PCNT: variants seen among roughly 807,000 people sequenced by gnomAD.
The protein encoded by PCNT is pericentrin, also known as kendrin.
Under a neutral mutation model 380.4 loss-of-function variants are expected in PCNT, and 319 were observed. That is an observed-to-expected ratio of 0.84 (90% CI 0.77 to 0.92). PCNT has a LOEUF of 0.92. Ranked by LOEUF, PCNT falls within the 40% of genes least tolerant of loss-of-function variation. The pLI is 0.00. For synonymous variants in PCNT, 1,845 were observed against 1,735.2 expected, an observed-to-expected ratio of 1.06 and a Z score of -1.57; for missense variants, 4,400 against 4,255.3, an observed-to-expected ratio of 1.03 and a Z score of -0.95.
At chr21:46,350,787 C>T (rs796443675) in intron 8 of PCNT, among the ~76,000 whole-genome samples, 10 of 152,148 alleles carry the variant, frequency 6.6e-5, no homozygotes, top group East Asian at 3.9e-4. Context: ...GCTCTCCCTC[C>T]GAGATGGGAA....
At position 46,334,379 on chromosome 21, in the gene PCNT, T is replaced by G. The variant is rs770819119; in HGVS notation, c.268-18T>G. On this transcript the variant is annotated intron_variant, in intron 2 of 46. Transcript: ENST00000359568. ...AGACCTTGCTTTAAATGCTTCTTTC[T>G]GGTCCTCCCCTTCTTAGCCGGAGGA... is the stretch of plus-strand genomic sequence containing the variant. 2 of 1,614,100 alleles carry G rather than the reference T, an allele frequency of 1.2e-6. No individual in the cohort carries two copies. Among genetic ancestry groups the G allele is most frequent in the Non-Finnish European group, 1.7e-6 (2 of 1,179,966 alleles).
chr21:46,404,454 C>T (rs2086564859), intron 27 of PCNT, among the ~76,000 whole-genome samples: 1 of 152,188 alleles, frequency 6.6e-6, no homozygotes, highest in Admixed American at 6.5e-5. Context: ...GAACGAGCAG[C>T]TCTAGGCACC....
intron 17 of PCNT, among the ~76,000 whole-genome samples, chr21:46,386,413 G>C (rs915336623): frequency 2.0e-5 from 3 of 152,232 alleles, no homozygotes; most frequent in African/African-American, 4.8e-5. Context: ...ATCTCTCTCT[G>C]TGACGTGTGT....
intron 29 of PCNT, among the ~76,000 whole-genome samples, chr21:46,413,875 G>T (rs3788265): frequency 0.17 from 26,602 of 152,202 alleles, 2,750 homozygotes; most frequent in East Asian, 0.4. Context: ...GGGTGCTGGT[G>T]CTTCTCCCAC....
Position 46,444,759 on chromosome 21 carries a change from C to G in PCNT, c.9905C>G (p.Ser3302Cys). 3.7e-6 allele frequency: 6 copies of G among 1,612,498 alleles called. No homozygotes were observed. Among genetic ancestry groups the G allele is most frequent in the South Asian group, 2.2e-5 (2 of 91,056 alleles). ...ACTGCTTCTCAAGATCCAGAACATT[C>G]CTTGACAGAGTATATTCACCATTTA... The part of the protein sequence containing the change: ...SLTASQDPEH[S>C]LTEYIHHLEV... Residue 3302 changes from serine (S) to cysteine (C), a missense_variant, in exon 46 of 47, where the codon TCC (serine) becomes TGC (cysteine). Coordinates refer to ENST00000359568, the MANE Select transcript of PCNT (RefSeq NM_006031.6).
At chr21:46,327,900 G>T (rs1162432957) in intron 2 of PCNT, among the ~76,000 whole-genome samples, 1 of 152,204 alleles carries the variant, frequency 6.6e-6, no homozygotes, top group Non-Finnish European at 1.5e-5. Context: ...GGCAGGTGTG[G>T]CAGGTGAGTG....
At chr21:46,405,632 T>C (rs2086599402) in intron 27 of PCNT, among the ~76,000 whole-genome samples, 1 of 151,928 alleles carries the variant, frequency 6.6e-6, no homozygotes, top group Admixed American at 6.6e-5. Flanking sequence ...AAGGTGGAGG[T>C]TGGCAGTGAG....
At chr21:46,385,175 G>A (rs936468873) in intron 16 of PCNT, among the ~76,000 whole-genome samples, 1 of 151,986 alleles carries the variant, frequency 6.6e-6, no homozygotes. Flanking sequence ...GGCAACATAG[G>A]GAGACCCTGT....
chr21:46,412,454 G>A (rs952450884), intron 28 of PCNT, among the ~76,000 whole-genome samples: 6 of 152,156 alleles, frequency 3.9e-5, no homozygotes, highest in African/African-American at 9.7e-5. Context: ...GAGATGTGGC[G>A]AGCGAGCTCT....
Position 46,412,926 on chromosome 21 carries a change from G to C in PCNT, c.6084G>C (p.Arg2028Ser). Residue 2028 changes from arginine (R) to serine (S), a missense_variant, in exon 29 of 47, where the codon AGG (arginine) becomes AGC (serine). Physicochemically the swap from Arg to Ser is moderately radical, Grantham distance 110. Transcript: ENST00000359568. The part of the protein sequence containing the change: ...GVMSVLTVCQ[R>S]QLQSELLLVK... ...TGTCAGTGCTCACCGTCTGCCAGAGGCAGCTGCAGTCGGAGCTGCTCTTGG... is the reference window on the plus strand; with the variant it reads ...TGTCAGTGCTCACCGTCTGCCAGAGCCAGCTGCAGTCGGAGCTGCTCTTGG... 4.3e-6 allele frequency: 7 copies of C among 1,612,526 alleles called. No individual in the cohort carries two copies. Among genetic ancestry groups the C allele is most frequent in the Non-Finnish European group, 5.9e-6 (7 of 1,180,020 alleles).
At position 46,346,936 on chromosome 21, in the gene PCNT, T is replaced by A. The variant is rs752280579; in HGVS notation, c.914T>A (p.Leu305His). 1 of 1,598,808 alleles carries A rather than the reference T, an allele frequency of 6.3e-7. No homozygotes were observed. The highest frequency in any genetic ancestry group is 8.5e-7 in the Non-Finnish European group (1 of 1,174,416). The change falls in exon 5 of 47, where the codon CTC becomes CAC. Residue 305 changes from leucine (L) to histidine (H), a missense_variant. Transcript: ENST00000359568. ...AGCAGGCAGCAGCACGAGCTGGAGC[T>A]CCTCAGGGAGCAGCACGCACGGGAG... The part of the protein sequence containing the change: ...LQSRQQHELE[L>H]LREQHAREKE...
In PCNT at chr21:46,398,052, C is replaced by G; in HGVS notation, c.4485C>G (p.Phe1495Leu). 2 of 1,596,638 alleles carry G rather than the reference C, an allele frequency of 1.3e-6. No homozygotes were observed. The highest frequency in any genetic ancestry group is 8.5e-7 in the Non-Finnish European group (1 of 1,172,730). The change falls in exon 23 of 47, where the codon TTC (phenylalanine) becomes TTG (leucine). Residue 1495 changes from phenylalanine to leucine, a missense_variant. By Grantham distance (22) the Phe-to-Leu change is conservative (BLOSUM62 0). Transcript: ENST00000359568. ...AGCGGGAGCACGAGCGCGAGGAGTT[C>G]CAGCAGGAGATTCAGAGGCTGGAGG... Reference protein sequence around the residue: ...AAEREHEREEFQQEIQRLEGQ... With the variant: ...AAEREHEREELQQEIQRLEGQ...
At chr21:46,420,804 A>G (rs1055281552) in intron 31 of PCNT, 6 of 152,290 alleles carry the variant, frequency 3.9e-5, no homozygotes, top group African/African-American at 1.4e-4. Flanking sequence ...GCCGCAGCTC[A>G]GGCAGATGCA....
Position 46,418,195 on chromosome 21 carries a change from T to A in PCNT, c.6922-9T>A. The A allele has an allele frequency of 6.5e-7, 1 of 1,529,464 alleles. No individual in the cohort carries two copies. The highest frequency in any genetic ancestry group is 2.2e-5 in the East Asian group (1 of 44,584). The allele number at this position is 1,529,464 out of a possible 1,614,324, so 94.7% of individuals were successfully genotyped here. ...ATTATTTTATGACCATTTAAAAATC[T>A]CTTAACAGGAGAAAGATGTCGAAGA... On this transcript the variant is annotated splice_polypyrimidine_tract_variant and intron_variant, in intron 30 of 46. Coordinates refer to ENST00000359568, the MANE Select transcript of PCNT (RefSeq NM_006031.6).
chr21:46,436,501 C>A (rs2053459185), intron 39 of PCNT, among the ~76,000 whole-genome samples: 1 of 141,394 alleles, frequency 7.1e-6, no homozygotes, highest in South Asian at 2.5e-4. Context: ...TGGCACTGCC[C>A]AGTGTCACTC....
intron 14 of PCNT, among the ~76,000 whole-genome samples, chr21:46,366,014 G>A (rs1031150553): frequency 2.7e-5 from 4 of 147,902 alleles, no homozygotes; most frequent in Admixed American, 6.7e-5. Context: ...GTTCACTGCC[G>A]TGGGGTTCTA....
chr21:46,418,436 G>A (rs915688931), intron 31 of PCNT, 130 bp downstream of exon 31: 14 of 692,280 alleles, frequency 2.0e-5, no homozygotes, highest in Admixed American at 6.5e-5. Context: ...CCGGCTCTGC[G>A]CTTTGTCGGG....
intron 3 of PCNT, among the ~76,000 whole-genome samples, chr21:46,338,666 G>A (rs918217760): frequency 6.6e-5 from 10 of 151,230 alleles, no homozygotes; most frequent in Non-Finnish European, 8.8e-5. Context: ...AGGCTGGAGC[G>A]GTGATCTCGG....
chr21:46,374,942 T>C (rs1226111629), intron 15 of PCNT, among the ~76,000 whole-genome samples: 12 of 151,906 alleles, frequency 7.9e-5, no homozygotes, highest in Admixed American at 7.9e-4. Context: ...TGGGATGTCC[T>C]GTTCTTCCCC....
Sources: gnomAD v4.1 joint callset for allele counts (sites outside exome capture counted in the v4.1 genomes callset) on GRCh38, gnomAD v4.1.1 for gene constraint, MANE v1.5 for transcripts, NCBI Gene and HGNC (gene_info 2026-07-23, HGNC 2026-07-21) for gene names.